Variants in MBD5 observed in about 807,000 individuals in gnomAD.
MBD5 encodes the protein methyl-CpG-binding domain protein 5.
In MBD5, 13 loss-of-function variants were observed where a neutral mutation model predicts 117.3. That is an observed-to-expected ratio of 0.11 (90% CI 0.07 to 0.18). The LOEUF is 0.18. MBD5 is among the 10% of genes least tolerant of loss of function. MBD5 has a pLI of 1.00. For missense variants in MBD5, 1,879 were observed against 2,093.8 expected (o/e 0.90, Z 2.00); for synonymous variants, 727 against 766.4 (o/e 0.95, Z 0.85).
chr2:148,060,778 C>T (rs755882206), intron 1 of MBD5, among the ~76,000 whole-genome samples: 1 of 152,132 alleles, frequency 6.6e-6, no homozygotes, highest in Non-Finnish European at 1.5e-5. Flanking sequence ...TTAGTCAAAT[C>T]ATATCTATGA....
chr2:148,477,499 T>G (rs772633414), intron 8 of MBD5, among the ~76,000 whole-genome samples: 1 of 152,186 alleles, frequency 6.6e-6, no homozygotes, highest in Non-Finnish European at 1.5e-5. Context: ...TATGTTTTTG[T>G]AAATACACAT....
intron 1 of MBD5, among the ~76,000 whole-genome samples, chr2:148,128,346 A>G (rs1296391391): frequency 6.6e-6 from 1 of 152,230 alleles, no homozygotes; most frequent in African/African-American, 2.4e-5. Context: ...TATAATATAT[A>G]TGCTATACAG....
At position 148,446,079 on chromosome 2, in the gene MBD5, G is replaced by A. The variant is rs564776021; in HGVS notation, c.-556-12124G>A. On this transcript the variant is annotated intron_variant, in intron 4 of 13. Coordinates refer to ENST00000642680, the MANE Select transcript of MBD5 (RefSeq NM_001378120.1). ...TGCAAAAATTTTCTCCCATTCTGTA[G>A]GTTGCCTGTTCACTCTGATGGTAGT... Among the ~76,000 whole-genome samples, 15 of 150,938 alleles carry A rather than the reference G, an allele frequency of 9.9e-5. 1 individual carries two copies. In the East Asian group the frequency reaches 2.5e-3, roughly 25 times the overall value.
chr2:148,490,549 A>C lies in MBD5; in HGVS notation c.4917A>C (p.Glu1639Asp). The change falls in exon 11 of 14, where the codon GAA becomes GAC. Residue 1639 changes from glutamate (E) to aspartate (D), a missense_variant. Around this residue, in one of 4 missense-constraint regions of MBD5, gnomAD observed 135 missense variants for 148.0 expected, o/e 0.91. Transcript: ENST00000642680. Reference sequence around the variant, plus strand: ...CCTGGCCTGGAAAATTAGTAAGAGAAGACGACGTTCACAATTCATGTCAAC... The same window carrying C: ...CCTGGCCTGGAAAATTAGTAAGAGACGACGACGTTCACAATTCATGTCAAC... ...LTSWPGKLVR[E>D]DDVHNSCQQS... 1.2e-6 allele frequency: 2 copies of C among 1,614,212 alleles called. No homozygotes were observed. Among genetic ancestry groups the C allele is most frequent in the Non-Finnish European group, 1.7e-6 (2 of 1,180,032 alleles).
chr2:148,196,188 T>G (rs1247796800), intron 2 of MBD5: 3 of 152,218 alleles, frequency 2.0e-5, no homozygotes, highest in Non-Finnish European at 2.9e-5. Context: ...CCGTCTCATT[T>G]TTTGGAGCAA....
rs1193908038 is a variant in MBD5 at position 148,469,744 on chromosome 2, A to G, written c.1801A>G (p.Ser601Gly). Reference protein sequence around the residue: ...QNKLAGNNSSSSSNSGAVAGS... With the variant: ...QNKLAGNNSSGSSNSGAVAGS... ...CAAACTTGCTGGTAACAACAGTAGC[A>G]GCAGTAGCAATTCTGGAGCTGTTGC... The change falls in exon 8 of 14, where the codon AGC becomes GGC. Residue 601 changes from serine to glycine, a missense_variant. Coordinates refer to ENST00000642680, the MANE Select transcript of MBD5 (RefSeq NM_001378120.1). The G allele has an allele frequency of 1.1e-5, 17 of 1,614,012 alleles. No individual in the cohort carries two copies. Among genetic ancestry groups the G allele is most frequent in the Non-Finnish European group, 1.4e-5 (17 of 1,179,910 alleles).
intron 4 of MBD5, among the ~76,000 whole-genome samples, chr2:148,439,359 A>C (rs1706250794): frequency 6.6e-6 from 1 of 152,132 alleles, no homozygotes; most frequent in African/African-American, 2.4e-5. Flanking sequence ...TGCCATGTGT[A>C]CTTTAGCACT....
chr2:148,127,567 C>A (rs192925604), intron 1 of MBD5, among the ~76,000 whole-genome samples: 1 of 152,292 alleles, frequency 6.6e-6, no homozygotes, highest in Non-Finnish European at 1.5e-5. Flanking sequence ...ACATGATCTT[C>A]CTTTCTACGC....
intron 10 of MBD5, among the ~76,000 whole-genome samples, chr2:148,486,996 T>G (rs1160651665): frequency 6.6e-6 from 1 of 152,202 alleles, no homozygotes; most frequent in African/African-American, 2.4e-5. Flanking sequence ...ATCAAAATGT[T>G]CAGTGCAATA....
chr2:148,510,708 C>A (rs922296941), intron 13 of MBD5, among the ~76,000 whole-genome samples: 4 of 152,136 alleles, frequency 2.6e-5, no homozygotes, highest in Admixed American at 2.6e-4. Flanking sequence ...AAAATAATTT[C>A]TTTTATTTGA....
At chr2:148,021,739 G>T in intron 1 of MBD5, 55 bp downstream of exon 1, 1 of 307,702 alleles carries the variant, frequency 3.2e-6, no homozygotes, top group East Asian at 8.5e-5. Context: ...CTTTCACTCC[G>T]GGGCAACAGT....
At chr2:148,387,770 G>C (rs777811884) in intron 4 of MBD5, among the ~76,000 whole-genome samples, 1 of 151,874 alleles carries the variant, frequency 6.6e-6, no homozygotes, top group East Asian at 1.9e-4. Context: ...ATTTACTATA[G>C]CAACAAAGAT....
At chr2:148,428,523 G>A (rs1485356735) in intron 4 of MBD5, among the ~76,000 whole-genome samples, 1 of 152,028 alleles carries the variant, frequency 6.6e-6, no homozygotes, top group East Asian at 1.9e-4. Flanking sequence ...CCAAAAAAGA[G>A]CCCTTATAGC....
intron 8 of MBD5, among the ~76,000 whole-genome samples, chr2:148,472,875 G>A (rs1034985008): frequency 1.3e-5 from 2 of 152,108 alleles, no homozygotes; most frequent in Admixed American, 6.6e-5. Flanking sequence ...GTTTTCTAAA[G>A]TATAAAGTAT....
chr2:148,228,243 G>A (rs1164274561), intron 2 of MBD5, among the ~76,000 whole-genome samples: 2 of 152,138 alleles, frequency 1.3e-5, no homozygotes, highest in African/African-American at 4.8e-5. Flanking sequence ...TATTGGCTGT[G>A]GGTTTGTCAT....
At chr2:148,416,716 A>G (rs1705432382) in intron 4 of MBD5, among the ~76,000 whole-genome samples, 1 of 152,038 alleles carries the variant, frequency 6.6e-6, no homozygotes, top group Admixed American at 6.6e-5. Flanking sequence ...TGTACCCATA[A>G]CCCAAGTAGT....
chr2:148,431,684 T>C (rs1705989759), intron 4 of MBD5, among the ~76,000 whole-genome samples: 1 of 152,180 alleles, frequency 6.6e-6, no homozygotes, highest in Non-Finnish European at 1.5e-5. Flanking sequence ...GGCCTGCAGC[T>C]CCATCCATGT....
intron 1 of MBD5, among the ~76,000 whole-genome samples, chr2:148,057,781 T>C (rs956919478): frequency 1.3e-5 from 2 of 151,986 alleles, no homozygotes; most frequent in Non-Finnish European, 2.9e-5. Context: ...TCTTAAAGTT[T>C]AGCAGCTGCA....
intron 1 of MBD5, among the ~76,000 whole-genome samples, chr2:148,061,652 T>C (rs1447860166): frequency 6.6e-6 from 1 of 151,664 alleles, no homozygotes; most frequent in African/African-American, 2.4e-5. Flanking sequence ...GTGTGTGTCA[T>C]CTGTGTGTGT....
Sources: gnomAD v4.1 joint callset for allele counts (sites outside exome capture counted in the v4.1 genomes callset) on GRCh38, gnomAD v4.1.1 for gene constraint, gnomAD v4.1.1 regional missense constraint, MANE v1.5 for transcripts, NCBI Gene and HGNC (gene_info 2026-07-23, HGNC 2026-07-21) for gene names.